The following SLCO2B1 variants were observed in gnomAD, a reference collection of about 807,000 sequenced individuals.
The protein encoded by SLCO2B1 is OATP-RP2.
A neutral mutation model predicts 67.3 loss-of-function variants in SLCO2B1; 41 were observed. The ratio of observed to expected loss-of-function variants is 0.61; its 90% confidence interval spans 0.47 to 0.79. SLCO2B1 has a LOEUF of 0.79. Among genes scored for constraint, SLCO2B1 ranks in the 30% least tolerant of loss-of-function variants. The probability of loss-of-function intolerance (pLI) is 0.00; values close to 1 mark genes in which losing one functional copy is unlikely to be tolerated. For synonymous variants in SLCO2B1, 379 were observed against 381.4 expected (o/e 0.99, Z 0.07); for missense variants, 837 against 920.1 (o/e 0.91, Z 1.17).
chr11:75,193,429 C>T lies in SLCO2B1; in HGVS notation c.1287C>T (p.Gly429=), dbSNP rs144302377. 4,199 of 1,613,862 alleles carry T rather than the reference C, an allele frequency of 2.6e-3. 17 individuals carry two copies. The highest frequency in any genetic ancestry group is 8.0e-3 in the South Asian group (733 of 91,056). The change falls in exon 9 of 14, where the codon GGC becomes GGT. Residue 429 remains glycine, a synonymous_variant. Transcript: ENST00000289575. The surrounding 1 kb of genome is among the most constrained non-coding windows in gnomAD (Gnocchi z 4.2). The part of the protein sequence containing the change: ...PSVIVGIVVG[G]VLVKRLHLGP... Reference sequence around the variant, plus strand: ...TCATCGTGGGCATCGTGGTGGGTGGCGTCCTGGTCAAGCGGCTCCACCTGG... The same window carrying T: ...TCATCGTGGGCATCGTGGTGGGTGGTGTCCTGGTCAAGCGGCTCCACCTGG...
chr11:75,192,269 A>G (rs952599888), intron 8 of SLCO2B1, among the ~76,000 whole-genome samples: 3 of 152,170 alleles, frequency 2.0e-5, no homozygotes, highest in Non-Finnish European at 2.9e-5. Flanking sequence ...CCTTCATTCC[A>G]TGAATTCAGG....
intron 7 of SLCO2B1, among the ~76,000 whole-genome samples, chr11:75,176,055 A>G (rs1332728471): frequency 4.6e-5 from 7 of 151,968 alleles, no homozygotes; most frequent in Non-Finnish European, 8.8e-5. Flanking sequence ...GACAGGCCTC[A>G]CCTCCCTCTA....
chr11:75,162,956 G>C, intron 2 of SLCO2B1, 171 bp downstream of exon 2: 2 of 749,388 alleles, frequency 2.7e-6, no homozygotes, highest in Non-Finnish European at 4.2e-6. Flanking sequence ...GCTGGGTTTC[G>C]GGCACATGGA....
At position 75,204,517 on chromosome 11, in the gene SLCO2B1, T is replaced by C. The variant is rs1359799197; in HGVS notation, c.2067T>C (p.Pro689=). ...EARTKESRSS[P]AVEQQLLVSG... ...GGACCAAAGAGAGCAGATCCAGCCC[T>C]GCCGTAGAGCAGCAATTGCTAGTGT... Residue 689 remains proline, a synonymous_variant, in exon 14 of 14, where the codon CCT becomes CCC. Coordinates refer to ENST00000289575, the MANE Select transcript of SLCO2B1 (RefSeq NM_007256.5). The C allele has an allele frequency of 1.9e-6, 3 of 1,613,234 alleles. No individual in the cohort carries two copies. The highest frequency in any genetic ancestry group is 4.5e-5 in the East Asian group (2 of 44,874).
At chr11:75,175,346 A>G (rs893276597) in intron 7 of SLCO2B1, among the ~76,000 whole-genome samples, 2 of 152,078 alleles carry the variant, frequency 1.3e-5, no homozygotes, top group Non-Finnish European at 1.5e-5. Flanking sequence ...CCAGGAGCAA[A>G]GGCCCAATGA....
intron 8 of SLCO2B1, among the ~76,000 whole-genome samples, chr11:75,188,787 C>T (rs1490330415): frequency 6.6e-6 from 1 of 152,194 alleles, no homozygotes; most frequent in African/African-American, 2.4e-5. Context: ...CCCCACATGT[C>T]CAGCTCTTCC....
Position 75,169,293 on chromosome 11 carries a change from G to A in SLCO2B1, c.569G>A (p.Gly190Glu). The change falls in exon 5 of 14, where the codon GGG (glycine) becomes GAG (glutamate). Residue 190 changes from glycine to glutamate, a missense_variant. Transcript: ENST00000289575. The part of the protein sequence containing the change: ...YTETQHLSVV[G>E]IMFVAQTLLG... ...GAAACCCAGCATCTGAGTGTGGTGG[G>A]GATCATGTTCGTGGCACAGACCCTG... 6.2e-7 allele frequency: 1 copy of A among 1,614,162 alleles called. No homozygotes were observed. Among genetic ancestry groups the A allele is most frequent in the Non-Finnish European group, 8.5e-7 (1 of 1,180,016 alleles).
chr11:75,153,526 A>G (rs1356702844), intron 1 of SLCO2B1, among the ~76,000 whole-genome samples: 3 of 152,228 alleles, frequency 2.0e-5, no homozygotes, highest in African/African-American at 7.2e-5. Context: ...GCCAGCCCCC[A>G]GGTCTGCCTG....
intron 3 of SLCO2B1, among the ~76,000 whole-genome samples, chr11:75,164,525 G>T (rs1377230450): frequency 6.6e-6 from 1 of 152,062 alleles, no homozygotes; most frequent in East Asian, 1.9e-4. Flanking sequence ...GCGGCGCAGG[G>T]TGTCTGTCCT....
intron 7 of SLCO2B1, among the ~76,000 whole-genome samples, chr11:75,187,811 A>C (rs1944958795): frequency 6.6e-6 from 1 of 152,142 alleles, no homozygotes; most frequent in Admixed American, 6.5e-5. Context: ...AAAGGAATAG[A>C]AATGATGATG....
chr11:75,176,913 T>C (rs1162480456), intron 7 of SLCO2B1, among the ~76,000 whole-genome samples: 1 of 152,184 alleles, frequency 6.6e-6, no homozygotes, highest in African/African-American at 2.4e-5. Context: ...GTTAAAGACC[T>C]GTCCAGAGGT....
At chr11:75,192,101 T>TC (rs889097583) in intron 8 of SLCO2B1, among the ~76,000 whole-genome samples, 13 of 151,726 alleles carry the variant, frequency 8.6e-5, no homozygotes, top group East Asian at 3.9e-4. Context: ...CCTCCCCAGA[T>TC]CCCCCCCACC....
chr11:75,172,251 A>C, intron 6 of SLCO2B1, 128 bp from the exon 7 acceptor site: 2 of 774,696 alleles, frequency 2.6e-6, no homozygotes, highest in Non-Finnish European at 4.1e-6. Context: ...GGCAGAGCAG[A>C]CTGGAACTCA....
At chr11:75,176,088 A>G (rs943199849) in intron 7 of SLCO2B1, among the ~76,000 whole-genome samples, 3 of 152,176 alleles carry the variant, frequency 2.0e-5, no homozygotes, top group African/African-American at 7.2e-5. Flanking sequence ...CCTGTCTACA[A>G]TCAGCCAGTC....
chr11:75,188,823 C>G (rs1315031418), intron 8 of SLCO2B1, among the ~76,000 whole-genome samples: 3 of 152,232 alleles, frequency 2.0e-5, no homozygotes, highest in Non-Finnish European at 4.4e-5. Context: ...TTCCTTCCCT[C>G]TTTGGTTCTC....
At chr11:75,182,469 G>A (rs928435365) in intron 7 of SLCO2B1, among the ~76,000 whole-genome samples, 4 of 152,212 alleles carry the variant, frequency 2.6e-5, no homozygotes, top group Admixed American at 2.0e-4. Context: ...GTAGCTGGGC[G>A]CAGTGGCTCA....
At chr11:75,200,202 C>A in intron 10 of SLCO2B1, 22 bp from the exon 11 acceptor site, 1 of 1,598,392 alleles carries the variant, frequency 6.3e-7, no homozygotes, top group Non-Finnish European at 8.5e-7. Context: ...CTTGAAGTCT[C>A]TTCCTCCTCT....
Position 75,193,445 on chromosome 11 carries a change from C to T in SLCO2B1, c.1303C>T (p.Leu435Phe). ...GGTGGGTGGCGTCCTGGTCAAGCGGCTCCACCTGGGCCCTGTGGGATGCGG... is the reference window on the plus strand; with the variant it reads ...GGTGGGTGGCGTCCTGGTCAAGCGGTTCCACCTGGGCCCTGTGGGATGCGG... Reference protein sequence around the residue: ...IVVGGVLVKRLHLGPVGCGAL... With the variant: ...IVVGGVLVKRFHLGPVGCGAL... The change falls in exon 9 of 14, where the codon CTC becomes TTC. Residue 435 changes from leucine to phenylalanine, a missense_variant. Leu to Phe is a conservative substitution (Grantham distance 22). Transcript: ENST00000289575. The surrounding 1 kb of genome is among the most constrained non-coding windows in gnomAD (Gnocchi z 4.2). 5.6e-6 allele frequency: 9 copies of T among 1,613,592 alleles called. No homozygotes were observed. The highest frequency in any genetic ancestry group is 7.6e-6 in the Non-Finnish European group (9 of 1,179,596).
intron 7 of SLCO2B1, among the ~76,000 whole-genome samples, chr11:75,186,722 T>C (rs1010649713): frequency 3.3e-5 from 5 of 152,186 alleles, no homozygotes; most frequent in Non-Finnish European, 7.3e-5. Flanking sequence ...GCAAAATAAC[T>C]AAATTACACT....
Sources: gnomAD v4.1 joint callset for allele counts (sites outside exome capture counted in the v4.1 genomes callset) on GRCh38, gnomAD v4.1.1 for gene constraint, Gnocchi (gnomAD v3.1) non-coding constraint, MANE v1.5 for transcripts, NCBI Gene and HGNC (gene_info 2026-07-23, HGNC 2026-07-21) for gene names.